PHKA1: variants seen among roughly 807,000 people sequenced by gnomAD.
PHKA1 encodes phosphorylase b kinase regulatory subunit alpha, skeletal muscle isoform.
In PHKA1, 60 loss-of-function variants were observed where a neutral mutation model predicts 110.2. That is an observed-to-expected ratio of 0.54 (90% CI 0.44 to 0.68). The LOEUF is 0.68. PHKA1 is among the 30% of genes least tolerant of loss of function. The pLI, the probability that PHKA1 is intolerant of heterozygous loss-of-function variation, is 0.00. For synonymous variants in PHKA1, 316 were observed against 333.6 expected (o/e 0.95, Z 0.58); for missense variants, 801 against 942.5 (o/e 0.85, Z 1.97).
At chrX:72,609,028 T>C (rs1603254829) in intron 23 of PHKA1, among the ~76,000 whole-genome samples, 1 of 112,278 alleles carries the variant, frequency 8.9e-6, no homozygotes, top group East Asian at 2.8e-4. Flanking sequence ...TTTACTGGCA[T>C]GGCCAATGGC....
chrX:72,609,121 T>G (rs1442997217), intron 23 of PHKA1, among the ~76,000 whole-genome samples: 1 of 112,247 alleles, frequency 8.9e-6, no homozygotes. Context: ...GCCAAGCCTA[T>G]CTTAGGGTAC....
intron 23 of PHKA1, among the ~76,000 whole-genome samples, chrX:72,607,182 A>G (rs1441100131): frequency 8.9e-6 from 1 of 111,936 alleles, no homozygotes; most frequent in Non-Finnish European, 1.9e-5. Flanking sequence ...TGAAATAAAC[A>G]CAGGAGTGCA....
At chrX:72,657,400 A>T (rs925671017) in intron 9 of PHKA1, among the ~76,000 whole-genome samples, 188 bp downstream of exon 9, 1 of 112,297 alleles carries the variant, frequency 8.9e-6, no homozygotes. Flanking sequence ...TACTTAATCC[A>T]GAAAGGCCTA....
In PHKA1 at chrX:72,592,159, A is replaced by G. The variant is rs782095242; in HGVS notation, c.3243+945T>C. ...ATTGCCATAATCCATGCATAACTGAAGAGATAAAATAATATTTGTCACCAT... is the reference window on the plus strand; with the variant it reads ...ATTGCCATAATCCATGCATAACTGAGGAGATAAAATAATATTTGTCACCAT... On this transcript the variant is annotated intron_variant, in intron 29 of 31. Transcript: ENST00000373542. 3.6e-5 allele frequency among the ~76,000 whole-genome samples: 4 copies of G among 112,652 alleles called. No homozygotes were observed. The South Asian group carries it at 1.5e-3, about 41-fold the overall frequency.
intron 3 of PHKA1, among the ~76,000 whole-genome samples, chrX:72,701,414 C>T (rs782700661): frequency 1.8e-5 from 2 of 112,062 alleles, no homozygotes; most frequent in South Asian, 7.5e-4. Context: ...TGGCTGGGCT[C>T]GGCTTTCAAG....
intron 21 of PHKA1, among the ~76,000 whole-genome samples, chrX:72,616,764 G>C (rs2052903972): frequency 8.9e-6 from 1 of 111,896 alleles, no homozygotes; most frequent in Non-Finnish European, 1.9e-5. Context: ...CTACAAACAA[G>C]TATTAATGAA....
At chrX:72,654,923 A>G (rs1479883224) in intron 10 of PHKA1, among the ~76,000 whole-genome samples, 5 of 103,588 alleles carry the variant, frequency 4.8e-5, no homozygotes, top group African/African-American at 7.1e-5. Flanking sequence ...TCAGCCTCCC[A>G]AGTAGCTGGG....
At chrX:72,588,625 C>T (rs1348645411) in intron 29 of PHKA1, among the ~76,000 whole-genome samples, 6 of 111,044 alleles carry the variant, frequency 5.4e-5, no homozygotes, top group Non-Finnish European at 1.1e-4. Flanking sequence ...TTCAAAAGAT[C>T]AATGAATCCA....
chrX:72,661,688 C>T (rs868933819), intron 8 of PHKA1, among the ~76,000 whole-genome samples: 1 of 28,360 alleles, frequency 3.5e-5, no homozygotes, highest in Non-Finnish European at 7.4e-5. Context: ...TAAAAAAAAA[C>T]AAAAAAAAAA....
chrX:72,596,569 G>C (rs1443197194), intron 28 of PHKA1, among the ~76,000 whole-genome samples: 1 of 110,414 alleles, frequency 9.1e-6, no homozygotes, highest in Non-Finnish European at 1.9e-5. Context: ...AAATATGTAG[G>C]AATAAATTTA....
intron 5 of PHKA1, among the ~76,000 whole-genome samples, chrX:72,679,511 T>C (rs1353236892): frequency 9.1e-6 from 1 of 110,321 alleles, no homozygotes; most frequent in Non-Finnish European, 1.9e-5. Flanking sequence ...CTGACACAGA[T>C]GTTAGAATAC....
intron 14 of PHKA1, among the ~76,000 whole-genome samples, chrX:72,639,583 A>G (rs2053271609): frequency 9.0e-6 from 1 of 111,471 alleles, no homozygotes; most frequent in Non-Finnish European, 1.9e-5. Context: ...TCCTAGAAGT[A>G]AGGTTGTTGG....
At chrX:72,681,339 G>C (rs868986140) in intron 5 of PHKA1, among the ~76,000 whole-genome samples, 1 of 110,785 alleles carries the variant, frequency 9.0e-6, no homozygotes, top group Admixed American at 9.4e-5. Context: ...CAGCTGCCCC[G>C]TCTGAGAAGT....
chrX:72,694,726 T>G (rs2054085915), intron 4 of PHKA1, among the ~76,000 whole-genome samples: 1 of 112,000 alleles, frequency 8.9e-6, no homozygotes, highest in African/African-American at 3.2e-5. Flanking sequence ...TGGCTATGTC[T>G]CCTATAAGCC....
At chrX:72,588,572 A>G (rs1255299729) in intron 29 of PHKA1, among the ~76,000 whole-genome samples, 1 of 111,939 alleles carries the variant, frequency 8.9e-6, no homozygotes, top group East Asian at 2.8e-4. Context: ...AGAAATAACT[A>G]AGATCAGAGC....
chrX:72,655,092 C>T (rs1159107311), intron 10 of PHKA1, among the ~76,000 whole-genome samples: 1 of 110,807 alleles, frequency 9.0e-6, no homozygotes, highest in East Asian at 2.9e-4. Context: ...CCACCGCGCC[C>T]GGCCAGCATG....
At chrX:72,645,360 A>C (rs1556296871) in intron 13 of PHKA1, among the ~76,000 whole-genome samples, 1 of 111,957 alleles carries the variant, frequency 8.9e-6, no homozygotes, top group Non-Finnish European at 1.9e-5. Flanking sequence ...GCTTACCATT[A>C]TTTTCTACAT....
At chrX:72,688,603 A>G (rs2053996777) in intron 4 of PHKA1, among the ~76,000 whole-genome samples, 1 of 112,129 alleles carries the variant, frequency 8.9e-6, no homozygotes, top group Non-Finnish European at 1.9e-5. Flanking sequence ...TGTTCTTTCA[A>G]GGCTCAGCTC....
intron 10 of PHKA1, among the ~76,000 whole-genome samples, chrX:72,654,546 G>C (rs896167069): frequency 8.9e-6 from 1 of 111,764 alleles, no homozygotes; most frequent in Non-Finnish European, 1.9e-5. Flanking sequence ...TGAGAGCCAG[G>C]TGGGTGAGCT....
Sources: gnomAD v4.1 joint callset for allele counts (sites outside exome capture counted in the v4.1 genomes callset) on GRCh38, gnomAD v4.1.1 for gene constraint, MANE v1.5 for transcripts, NCBI Gene and HGNC (gene_info 2026-07-23, HGNC 2026-07-21) for gene names.